Variants in C11orf52 observed in about 807,000 individuals in gnomAD.
C11orf52 encodes uncharacterized protein C11orf52.
In C11orf52, 9 loss-of-function variants were observed where a neutral mutation model predicts 11.7. The observed-to-expected ratio is 0.77, with a 90% confidence interval of 0.46 to 1.34. The LOEUF (loss-of-function observed/expected upper bound fraction) is 1.34, where lower values mean the gene tolerates loss of function less well. Among genes scored for constraint, C11orf52 ranks in the 40% most tolerant of loss-of-function variants. The pLI, the probability that C11orf52 is intolerant of heterozygous loss-of-function variation, is 0.00. For synonymous variants in C11orf52, 49 were observed against 57.4 expected, an observed-to-expected ratio of 0.85 and a Z score of 0.66; for missense variants, 139 against 154.8, an observed-to-expected ratio of 0.90 and a Z score of 0.54.
chr11:111,926,468 G>T lies in C11orf52; in HGVS notation c.*269G>T, dbSNP rs977721050. The T allele has an allele frequency of 2.5e-5, 13 of 511,958 alleles. No homozygotes were observed. The highest frequency in any genetic ancestry group is 5.2e-4 in the Middle Eastern group (1 of 1,936). The allele number at this position is 511,958 out of a possible 1,614,324, so 31.7% of individuals were successfully genotyped here. A position where few individuals can be genotyped will look rare whatever the true frequency, so the allele number is the denominator to read the frequency against. On this transcript the variant is annotated 3_prime_UTR_variant, in exon 4 of 4. Transcript: ENST00000278601. ...TTAGGTGGAGTGTGCAGGGAGGTAG[G>T]TCTTCGACCCCACCATTGTTGCTCC...
intron 2 of C11orf52, among the ~76,000 whole-genome samples, chr11:111,924,842 G>A (rs1001245516): frequency 2.0e-5 from 3 of 152,194 alleles, no homozygotes; most frequent in Non-Finnish European, 2.9e-5. Flanking sequence ...ATAGCAAAGG[G>A]CCAGGCGTAG....
chr11:111,925,078 C>T (rs1186104661), intron 2 of C11orf52, among the ~76,000 whole-genome samples: 1 of 151,992 alleles, frequency 6.6e-6, no homozygotes, highest in Non-Finnish European at 1.5e-5. Context: ...GAGTCGAGAT[C>T]GCGCCACTGC....
chr11:111,923,645 C>A (rs1965737331), intron 1 of C11orf52: 1 of 152,178 alleles, frequency 6.6e-6, no homozygotes, highest in Non-Finnish European at 1.5e-5. Flanking sequence ...CCCAGGGGCT[C>A]AGAAATAAAT....
rs1965804807 is a variant in C11orf52, at chr11:111,926,190, C to T, written c.363C>T (p.Thr121=). The T allele has an allele frequency of 1.2e-6, 2 of 1,613,920 alleles. No homozygotes were observed. Among genetic ancestry groups the T allele is most frequent in the Non-Finnish European group, 1.7e-6 (2 of 1,179,888 alleles). ...ATPRYDSKNG[T]LV is the part of the protein sequence containing the mutation. The stretch of plus-strand genomic sequence containing the variant: ...CTCGCTATGACAGCAAGAACGGGAC[C>T]CTGGTGTGAGCGCTTGGGAGGAAGG... Residue 121 remains threonine, a synonymous_variant, in exon 4 of 4, where the codon ACC becomes ACT. Coordinates refer to ENST00000278601, the MANE Select transcript of C11orf52 (RefSeq NM_080659.3).
chr11:111,919,029 G>A lies in C11orf52; in HGVS notation c.32+25G>A, dbSNP rs1555166304. The A allele has an allele frequency of 2.5e-6, 4 of 1,613,968 alleles. No individual in the cohort carries two copies. In the South Asian group the frequency reaches 3.3e-5, roughly 13 times the overall value. ...GGTGAGTAGGCTGGAAGGGCAAAGG[G>A]GAACATCTATCTCTGTTGGTGGATG... On this transcript the variant is annotated intron_variant, in intron 1 of 3. Transcript: ENST00000278601.
rs1332739062 is a variant in C11orf52 at position 111,924,310 on chromosome 11, G to GT, written c.33-11dup. The GT allele has an allele frequency of 6.2e-7, 1 of 1,612,270 alleles. No homozygotes were observed. Among genetic ancestry groups the GT allele is most frequent in the Non-Finnish European group, 8.5e-7 (1 of 1,179,278 alleles). ...CAGGGCTCTTGCACATGGGTGATCT[G>GT]TTTTTCCTATTACAGGAGCTGCCCA... On this transcript the variant is annotated splice_polypyrimidine_tract_variant and intron_variant, in intron 1 of 3. Transcript: ENST00000278601.
chr11:111,920,801 AAAG>A (rs1170661805), intron 1 of C11orf52, among the ~76,000 whole-genome samples: 6 of 152,162 alleles, frequency 3.9e-5, no homozygotes, highest in South Asian at 2.1e-4. Context: ...GAAGTAGGAA[AAAG>A]AAGAATATCC....
At chr11:111,925,795 C>T (rs1377923146) in intron 3 of C11orf52, 81 bp downstream of exon 3, 13 of 1,567,636 alleles carry the variant, frequency 8.3e-6, no homozygotes, top group African/African-American at 1.4e-5. Flanking sequence ...CTGCAACAGA[C>T]ACATTTCAGT....
intron 1 of C11orf52, among the ~76,000 whole-genome samples, chr11:111,921,761 T>C (rs1003292118): frequency 6.6e-6 from 1 of 152,250 alleles, no homozygotes; most frequent in Non-Finnish European, 1.5e-5. Context: ...CTAGGAACCA[T>C]GCTAAGTATT....
intron 1 of C11orf52, among the ~76,000 whole-genome samples, chr11:111,922,871 G>C (rs1050802906): frequency 1.1e-4 from 17 of 152,152 alleles, no homozygotes; most frequent in Admixed American, 1.1e-3. Context: ...CATTCTAGGA[G>C]GATTGCACAG....
intron 2 of C11orf52, among the ~76,000 whole-genome samples, chr11:111,924,899 G>A (rs1020562761): frequency 3.9e-5 from 6 of 152,108 alleles, no homozygotes; most frequent in South Asian, 2.1e-4. Flanking sequence ...AAGGTGGGGC[G>A]GATCACTTGA....
chr11:111,925,536 G>A, intron 2 of C11orf52, 117 bp from the exon 3 acceptor site: 9 of 992,936 alleles, frequency 9.1e-6, no homozygotes, highest in Non-Finnish European at 1.4e-5. Context: ...AGTGAGAATG[G>A]AGGCAGGGGG....
rs113461678 is a variant in C11orf52, at chr11:111,926,154, C to T, written c.327C>T (p.Pro109=). ...CAGAGTATGCGACCCTTCGCTTCCC[C>T]CAGGCCACACCTCGCTATGACAGCA... ...NATEYATLRF[P]QATPRYDSKN... is the part of the protein sequence containing the mutation. Residue 109 remains proline (P), a synonymous_variant, in exon 4 of 4, where the codon CCC becomes CCT. Transcript: ENST00000278601. 3 of 1,614,108 alleles carry T rather than the reference C, an allele frequency of 1.9e-6. No homozygotes were observed. Among genetic ancestry groups the T allele is most frequent in the East Asian group, 2.2e-5 (1 of 44,904 alleles).
At chr11:111,924,388 A>T (rs1429071576) in intron 2 of C11orf52, 25 bp downstream of exon 2, 1 of 1,602,090 alleles carries the variant, frequency 6.2e-7, no homozygotes, top group East Asian at 2.2e-5. Context: ...GGGGGAGGGA[A>T]TCTGGGGGAG....
chr11:111,919,073 G>C, intron 1 of C11orf52, 69 bp downstream of exon 1: 1 of 1,566,476 alleles, frequency 6.4e-7, no homozygotes. Flanking sequence ...CCGAAAATCA[G>C]AGGACCTGGA....
chr11:111,919,482 AAC>A (rs1407120672), intron 1 of C11orf52, among the ~76,000 whole-genome samples: 2 of 145,514 alleles, frequency 1.4e-5, no homozygotes, highest in Non-Finnish European at 3.1e-5. Context: ...CAACAACAAC[AAC>A]AAAAAAAAAC....
At chr11:111,924,026 A>G (rs587761891) in intron 1 of C11orf52, among the ~76,000 whole-genome samples, 4 of 152,284 alleles carry the variant, frequency 2.6e-5, no homozygotes, top group African/African-American at 7.2e-5. Context: ...CTGTTAGACA[A>G]TCCCAGAATA....
intron 2 of C11orf52, 84 bp from the exon 3 acceptor site, chr11:111,925,569 A>G: frequency 7.4e-7 from 1 of 1,355,698 alleles, no homozygotes; most frequent in Middle Eastern, 1.8e-4. Flanking sequence ...CCTGCCGTTA[A>G]TAGTTTAATA....
intron 1 of C11orf52, 139 bp from the exon 2 acceptor site, chr11:111,924,187 C>A: frequency 2.6e-6 from 2 of 782,596 alleles, no homozygotes; most frequent in Non-Finnish European, 2.1e-6. Context: ...GGGACTGAAC[C>A]TGGCTCAGGG....
Sources: allele counts gnomAD v4.1 joint callset (sites outside exome capture counted in the v4.1 genomes callset), GRCh38; gene constraint gnomAD v4.1.1; transcripts MANE v1.5; gene names NCBI Gene and HGNC (gene_info 2026-07-23, HGNC 2026-07-21).